Variants in ARHGAP15 observed in about 807,000 individuals in gnomAD.
ARHGAP15 encodes the protein Rho GTPase activating protein 15, also known as rho GTPase-activating protein 15.
ARHGAP15 carries 51 observed loss-of-function variants against 63.7 expected under a neutral mutation model. That is an observed-to-expected ratio of 0.80 (90% confidence interval 0.64 to 1.01). The LOEUF (loss-of-function observed/expected upper bound fraction) is 1.01. Ranked by LOEUF, ARHGAP15 falls within the 50% of genes least tolerant of loss-of-function variation. The probability of loss-of-function intolerance (pLI) is 0.00; values close to 1 mark genes in which losing one functional copy is unlikely to be tolerated. For missense variants in ARHGAP15, 560 were observed against 564.6 expected, an observed-to-expected ratio of 0.99 and a Z score of 0.08; for synonymous variants, 191 against 193.8, an observed-to-expected ratio of 0.99 and a Z score of 0.12.
intron 6 of ARHGAP15, among the ~76,000 whole-genome samples, chr2:143,332,348 A>G (rs1220994529): frequency 6.6e-6 from 1 of 152,202 alleles, no homozygotes; most frequent in Admixed American, 6.5e-5. Context: ...ACTGCCTTTC[A>G]TAATACTAGA....
intron 5 of ARHGAP15, among the ~76,000 whole-genome samples, chr2:143,250,161 C>T (rs1487400541): frequency 6.6e-6 from 1 of 151,950 alleles, no homozygotes; most frequent in Non-Finnish European, 1.5e-5. Flanking sequence ...TTTTATGTTA[C>T]TTTAGACATT....
intron 11 of ARHGAP15, among the ~76,000 whole-genome samples, chr2:143,566,457 A>G (rs547957281): frequency 1.1e-4 from 16 of 152,238 alleles, no homozygotes; most frequent in African/African-American, 3.4e-4. Flanking sequence ...TTCCATTCAC[A>G]TGGAGCCTCC....
chr2:143,480,548 T>G (rs1692032442), intron 8 of ARHGAP15, among the ~76,000 whole-genome samples: 1 of 152,220 alleles, frequency 6.6e-6, no homozygotes, highest in Non-Finnish European at 1.5e-5. Context: ...GTGCCCAGCA[T>G]TCCCTCTTTC....
intron 12 of ARHGAP15, among the ~76,000 whole-genome samples, chr2:143,702,309 C>T (rs1684124926): frequency 1.3e-5 from 2 of 152,146 alleles, no homozygotes; most frequent in South Asian, 4.1e-4. Context: ...TTTACTTTTC[C>T]ATCTATAAAC....
intron 6 of ARHGAP15, among the ~76,000 whole-genome samples, chr2:143,262,475 C>CGGTTTT (rs1680769788): frequency 6.7e-6 from 1 of 148,624 alleles, no homozygotes; most frequent in Non-Finnish European, 1.5e-5. Context: ...GGAGTTTAGT[C>CGGTTTT]GGTTTTGTTT....
intron 10 of ARHGAP15, among the ~76,000 whole-genome samples, chr2:143,553,737 A>G (rs939310475): frequency 6.6e-6 from 1 of 152,228 alleles, no homozygotes; most frequent in Non-Finnish European, 1.5e-5. Flanking sequence ...GTTTACAGAA[A>G]TTTATGAAAG....
At chr2:143,287,557 G>A (rs981343626) in intron 6 of ARHGAP15, among the ~76,000 whole-genome samples, 1 of 152,064 alleles carries the variant, frequency 6.6e-6, no homozygotes, top group African/African-American at 2.4e-5. Context: ...TGTAATCCCA[G>A]CACTTTGGGA....
chr2:143,475,988 C>A (rs970236072), intron 8 of ARHGAP15, among the ~76,000 whole-genome samples: 4 of 152,146 alleles, frequency 2.6e-5, no homozygotes, highest in African/African-American at 9.7e-5. Context: ...TGGAGTTAAC[C>A]AAGAGTCTCC....
At chr2:143,732,909 GGTTT>G (rs982040851) in intron 13 of ARHGAP15, among the ~76,000 whole-genome samples, 2 of 127,866 alleles carry the variant, frequency 1.6e-5, no homozygotes, top group Admixed American at 7.8e-5. Context: ...TTTGTTTTTG[GGTTT>G]TTTTTTTTTT....
At chr2:143,379,487 A>ATATATATGTGTGTGTGTG (rs1202571594) in intron 6 of ARHGAP15, among the ~76,000 whole-genome samples, 1 of 129,764 alleles carries the variant, frequency 7.7e-6, no homozygotes, top group African/African-American at 2.9e-5. Flanking sequence ...AGGCATATAT[A>ATATATATGTGTGTGTGTG]TGTGTGTGTG....
At chr2:143,340,527 CTT>C (rs5834944) in intron 6 of ARHGAP15, among the ~76,000 whole-genome samples, 9 of 148,816 alleles carry the variant, frequency 6.0e-5, no homozygotes, top group Middle Eastern at 3.4e-3. Context: ...GATTTTTTCT[CTT>C]TTTTTTTTTA....
intron 13 of ARHGAP15, among the ~76,000 whole-genome samples, chr2:143,756,024 C>T (rs548407368): frequency 6.6e-6 from 1 of 151,912 alleles, no homozygotes; most frequent in Middle Eastern, 3.4e-3. Flanking sequence ...CGCATACAAA[C>T]TGAATGATGA....
intron 6 of ARHGAP15, among the ~76,000 whole-genome samples, chr2:143,419,250 G>T (rs1176690578): frequency 1.3e-5 from 2 of 152,066 alleles, no homozygotes; most frequent in African/African-American, 4.8e-5. Flanking sequence ...TTACTTCAGA[G>T]AAAATATGAA....
intron 3 of ARHGAP15, among the ~76,000 whole-genome samples, chr2:143,207,803 C>A (rs1253590223): frequency 6.6e-6 from 1 of 152,118 alleles, no homozygotes; most frequent in African/African-American, 2.4e-5. Context: ...GACAGAAAAT[C>A]TGATTGATTA....
At chr2:143,665,128 A>G (rs1218369773) in intron 12 of ARHGAP15, among the ~76,000 whole-genome samples, 1 of 151,400 alleles carries the variant, frequency 6.6e-6, no homozygotes, top group African/African-American at 2.4e-5. Context: ...AGAGAATTTT[A>G]GACCAATATC....
At chr2:143,754,442 C>T (rs1686498045) in intron 13 of ARHGAP15, among the ~76,000 whole-genome samples, 1 of 152,110 alleles carries the variant, frequency 6.6e-6, no homozygotes, top group African/African-American at 2.4e-5. Context: ...ACTTCCAATC[C>T]CAGGTCTGGA....
intron 6 of ARHGAP15, among the ~76,000 whole-genome samples, chr2:143,276,153 A>G (rs1574197430): frequency 6.6e-6 from 1 of 152,354 alleles, no homozygotes; most frequent in South Asian, 2.1e-4. Flanking sequence ...AATGGCTCCC[A>G]CATCAAGTGT....
At chr2:143,130,407 A>G (rs1198869757) in intron 1 of ARHGAP15, among the ~76,000 whole-genome samples, 2 of 152,132 alleles carry the variant, frequency 1.3e-5, no homozygotes, top group South Asian at 4.1e-4. Flanking sequence ...AAAGAATTTT[A>G]ATAACAGCCC....
At chr2:143,529,103 C>G (rs77888295) in intron 10 of ARHGAP15, among the ~76,000 whole-genome samples, 5,135 of 152,136 alleles carry the variant, frequency 0.034, 290 homozygotes, top group African/African-American at 0.12. Flanking sequence ...GAATTTCCCT[C>G]TGTCTCCTCA....
Sources: gnomAD v4.1 joint callset for allele counts (sites outside exome capture counted in the v4.1 genomes callset) on GRCh38, gnomAD v4.1.1 for gene constraint, MANE v1.5 for transcripts, NCBI Gene and HGNC (gene_info 2026-07-23, HGNC 2026-07-21) for gene names.